The following KIF20B variants were observed in gnomAD, a reference collection of about 807,000 sequenced individuals.
KIF20B encodes the protein kinesin-like protein KIF20B.
KIF20B carries 188 observed loss-of-function variants against 232.5 expected under a neutral mutation model. The observed-to-expected ratio is 0.81, with a 90% confidence interval of 0.72 to 0.91. The LOEUF (loss-of-function observed/expected upper bound fraction) is 0.91. KIF20B is among the 40% of genes least tolerant of loss of function. The pLI, the probability that KIF20B is intolerant of heterozygous loss-of-function variation, is 0.00. For synonymous variants in KIF20B, 712 were observed against 683.0 expected (o/e 1.04, Z -0.66); for missense variants, 2,154 against 2,055.9 (o/e 1.05, Z -0.92).
chr10:89,705,537 C>T (rs911804238), intron 2 of KIF20B, 96 bp downstream of exon 2: 1 of 1,039,762 alleles, frequency 9.6e-7, no homozygotes, highest in Non-Finnish European at 1.4e-6. Flanking sequence ...TGTTTTTGTA[C>T]TTAGATACAA....
In KIF20B at chr10:89,719,358, A is replaced by G. The variant is rs144234377; in HGVS notation, c.1435-61A>G. Reference sequence around the variant, plus strand: ...TTTGACTTAAATTTATAAAATAATCATTTTCTAGTGGACAGTTCTTGTCTT... The same window carrying G: ...TTTGACTTAAATTTATAAAATAATCGTTTTCTAGTGGACAGTTCTTGTCTT... On this transcript the variant is annotated intron_variant, in intron 12 of 32. Coordinates refer to ENST00000371728, the MANE Select transcript of KIF20B (RefSeq NM_001284259.2). The G allele has an allele frequency of 1.0e-2, 11,755 of 1,178,394 alleles. 95 individuals carry two copies. Among genetic ancestry groups the G allele is most frequent in the Non-Finnish European group, 0.012 (10,075 of 847,146 alleles). The allele number at this position is 1,178,394 out of a possible 1,614,324, so 73.0% of individuals were successfully genotyped here. A position where few individuals can be genotyped will look rare whatever the true frequency, so the allele number is the denominator to read the frequency against.
chr10:89,709,909 T>A lies in KIF20B; in HGVS notation c.352-18T>A. 3.9e-6 allele frequency: 6 copies of A among 1,557,918 alleles called. No individual in the cohort carries two copies. The highest frequency in any genetic ancestry group is 5.2e-6 in the Non-Finnish European group (6 of 1,156,486). On this transcript the variant is annotated intron_variant, in intron 4 of 32. Transcript: ENST00000371728. The stretch of plus-strand genomic sequence containing the variant: ...ACTTGAATTTTCTAAAAAGAGTTTT[T>A]AAAAAATGTTTGCTTAGGTTTTTGG...
chr10:89,747,132 A>G (rs1490337728), intron 23 of KIF20B, among the ~76,000 whole-genome samples: 8 of 152,244 alleles, frequency 5.3e-5, no homozygotes, highest in Non-Finnish European at 7.3e-5. Flanking sequence ...AACACATGAA[A>G]AAATGCTCAT....
At chr10:89,770,962 T>A (rs1291742634) in intron 31 of KIF20B, among the ~76,000 whole-genome samples, 1 of 152,104 alleles carries the variant, frequency 6.6e-6, no homozygotes, top group African/African-American at 2.4e-5. Flanking sequence ...CTCTTATTAT[T>A]CTACGGTTTG....
At chr10:89,762,579 T>A (rs1329801803) in intron 28 of KIF20B, 59 bp from the exon 29 acceptor site, 4 of 1,301,680 alleles carry the variant, frequency 3.1e-6, no homozygotes, top group Non-Finnish European at 4.3e-6. Context: ...AATTAATTCT[T>A]TGTGGTTTAT....
intron 6 of KIF20B, 50 bp downstream of exon 6, chr10:89,711,195 T>A: frequency 8.5e-7 from 1 of 1,171,068 alleles, no homozygotes; most frequent in Non-Finnish European, 1.2e-6. Flanking sequence ...TGACTTCTTA[T>A]AAACCCTTTA....
intron 32 of KIF20B, 22 bp downstream of exon 32, chr10:89,772,853 C>A: frequency 6.3e-7 from 1 of 1,592,850 alleles, no homozygotes; most frequent in Non-Finnish European, 8.5e-7. Flanking sequence ...TTTCTGTTTT[C>A]ATCAATGTAG....
chr10:89,711,569 C>G (rs1014139834), intron 6 of KIF20B, among the ~76,000 whole-genome samples: 1 of 151,942 alleles, frequency 6.6e-6, no homozygotes, highest in Admixed American at 6.6e-5. Flanking sequence ...TGGACCTTTT[C>G]TCTCTCTATA....
Position 89,754,601 on chromosome 10 carries a change from G to A in KIF20B, c.4431G>A (p.Glu1477=), listed in dbSNP as rs760334846. Residue 1477 remains glutamate (E), a synonymous_variant, in exon 26 of 33, where the codon GAG becomes GAA. Coordinates refer to ENST00000371728, the MANE Select transcript of KIF20B (RefSeq NM_001284259.2). The part of the protein sequence containing the change: ...MMLITQAKEA[E]NIRNKEMKKY... Reference sequence around the variant, plus strand: ...TTATCACTCAAGCGAAAGAAGCAGAGAATATACGAAATAAAGAGATGAAAA... The same window carrying A: ...TTATCACTCAAGCGAAAGAAGCAGAAAATATACGAAATAAAGAGATGAAAA... The A allele has an allele frequency of 1.9e-6, 3 of 1,606,188 alleles. No individual in the cohort carries two copies. Among genetic ancestry groups the A allele is most frequent in the Non-Finnish European group, 2.6e-6 (3 of 1,176,378 alleles).
chr10:89,771,900 G>C (rs1842471011), intron 31 of KIF20B, among the ~76,000 whole-genome samples: 1 of 151,940 alleles, frequency 6.6e-6, no homozygotes, highest in Non-Finnish European at 1.5e-5. Context: ...GTTGAAATAA[G>C]TGGTTAAAAA....
chr10:89,714,271 G>A (rs1377402737), intron 7 of KIF20B, among the ~76,000 whole-genome samples, 188 bp downstream of exon 7: 1 of 152,076 alleles, frequency 6.6e-6, no homozygotes, highest in Non-Finnish European at 1.5e-5. Context: ...ATGAGGTCAA[G>A]AGATTGAGAC....
At chr10:89,772,272 G>A (rs554307278) in intron 31 of KIF20B, among the ~76,000 whole-genome samples, 2 of 152,068 alleles carry the variant, frequency 1.3e-5, no homozygotes, top group East Asian at 3.9e-4. Flanking sequence ...GTATTTTCAT[G>A]CAGCATTCAT....
intron 15 of KIF20B, among the ~76,000 whole-genome samples, chr10:89,725,441 T>C: frequency 6.6e-6 from 1 of 152,124 alleles, no homozygotes; most frequent in East Asian, 1.9e-4. Flanking sequence ...TTTTTGAGAT[T>C]TGTCTTACTT....
intron 18 of KIF20B, among the ~76,000 whole-genome samples, chr10:89,732,607 G>C (rs559567241): frequency 1.3e-5 from 2 of 152,230 alleles, no homozygotes; most frequent in East Asian, 3.9e-4. Context: ...TAATCTTTAA[G>C]AGGCTTTGGC....
intron 32 of KIF20B, among the ~76,000 whole-genome samples, chr10:89,773,261 C>T (rs1842502612): frequency 6.6e-6 from 1 of 151,946 alleles, no homozygotes; most frequent in Admixed American, 6.6e-5. Context: ...GTAGTTATCA[C>T]CCTGAGTCTA....
chr10:89,745,697 ACTT>A (rs1841895564), intron 22 of KIF20B, among the ~76,000 whole-genome samples, 199 bp from the exon 23 acceptor site: 1 of 151,218 alleles, frequency 6.6e-6, no homozygotes, highest in East Asian at 1.9e-4. Flanking sequence ...TGCAATCTCT[ACTT>A]CTTCTTTCCC....
intron 6 of KIF20B, among the ~76,000 whole-genome samples, chr10:89,711,597 G>A (rs545576389): frequency 1.8e-4 from 28 of 151,892 alleles, no homozygotes; most frequent in African/African-American, 6.5e-4. Flanking sequence ...CATATACAGA[G>A]CTTTCTATCT....
At position 89,713,151 on chromosome 10, in the gene KIF20B, G is replaced by A. The variant is rs189667527; in HGVS notation, c.676-896G>A. Among the ~76,000 whole-genome samples the A allele has an allele frequency of 3.2e-3, 484 of 152,222 alleles. 4 individuals are homozygous for A. Among genetic ancestry groups the A allele is most frequent in the African/African-American group, 0.011 (451 of 41,532 alleles). The stretch of plus-strand genomic sequence containing the variant: ...GAAGCAGGCTGATCACTTGAGGCCA[G>A]GAGTTGGAGACTAGCCTGGCCAACA... On this transcript the variant is annotated intron_variant, in intron 6 of 32. Transcript: ENST00000371728.
At chr10:89,702,135 T>C (rs1172601068) in intron 1 of KIF20B, among the ~76,000 whole-genome samples, 1 of 152,246 alleles carries the variant, frequency 6.6e-6, no homozygotes, top group Non-Finnish European at 1.5e-5. Context: ...AGGCCTGTTT[T>C]GCCACACCTA....
Sources: allele counts gnomAD v4.1 joint callset (sites outside exome capture counted in the v4.1 genomes callset), GRCh38; gene constraint gnomAD v4.1.1; transcripts MANE v1.5; gene names NCBI Gene and HGNC (gene_info 2026-07-23, HGNC 2026-07-21).